Variants in RAB21 observed in about 807,000 individuals in gnomAD.
RAB21 encodes the protein RAB21, member RAS oncogene family.
A neutral mutation model predicts 33.1 loss-of-function variants in RAB21; 13 were observed. That is an observed-to-expected ratio of 0.39 (90% CI 0.26 to 0.62). The LOEUF (loss-of-function observed/expected upper bound fraction) is 0.62. Ranked by LOEUF, RAB21 falls within the 20% of genes least tolerant of loss-of-function variation. The pLI is 0.48. For synonymous variants in RAB21, 91 were observed against 103.7 expected (o/e 0.88, Z 0.74); for missense variants, 234 against 279.1 (o/e 0.84, Z 1.15).
rs1883395449 is a variant in RAB21 at position 71,792,154 on chromosome 12, G to A, written c.*6481G>A. 6.6e-6 allele frequency: 1 copy of A among 152,090 alleles called. No individual in the cohort carries two copies. Among genetic ancestry groups the A allele is most frequent in the East Asian group, 1.9e-4 (1 of 5,194 alleles). The allele number at this position is 152,090 out of a possible 1,614,324, so 9.4% of individuals were successfully genotyped here. On this transcript the variant is annotated 3_prime_UTR_variant, in exon 7 of 7. Transcript: ENST00000261263. ...CTCAAAGTACTAGGATAACAGTCAT[G>A]AGCCACCATGCCCACCCTAGAATCA...
At chr12:71,781,313 C>CA (rs1437529321) in intron 4 of RAB21, among the ~76,000 whole-genome samples, 1 of 151,592 alleles carries the variant, frequency 6.6e-6, no homozygotes, top group Non-Finnish European at 1.5e-5. Context: ...ACTAAAAATA[C>CA]AAAAAATTAG....
In RAB21 at chr12:71,789,674, A is replaced by G. The variant is rs1174222237; in HGVS notation, c.*4001A>G. 6.6e-6 allele frequency: 1 copy of G among 152,166 alleles called. No homozygotes were observed. The highest frequency in any genetic ancestry group is 2.4e-5 in the African/African-American group (1 of 41,460). 9.4% of individuals were successfully genotyped at this position (152,166 alleles called of 1,614,324 possible). A position where few individuals can be genotyped will look rare whatever the true frequency, so the allele number is the denominator to read the frequency against. On this transcript the variant is annotated 3_prime_UTR_variant, in exon 7 of 7. Coordinates refer to ENST00000261263, the MANE Select transcript of RAB21 (RefSeq NM_014999.4). ...TACTCTTCTCTAAATTATAAAATGC[A>G]TTACCTAGGCTTTAATAGTTAAAAG...
At position 71,782,055 on chromosome 12, in the gene RAB21, A is replaced by C. The variant is rs138502131; in HGVS notation, c.416A>C (p.Glu139Ala). The change falls in exon 5 of 7, where the codon GAG (glutamate) becomes GCG (alanine). Residue 139 changes from glutamate (E) to alanine (A), a missense_variant. Coordinates refer to ENST00000261263, the MANE Select transcript of RAB21 (RefSeq NM_014999.4). Reference protein sequence around the residue: ...IVGNKIDLEKERHVSIQEAES... With the variant: ...IVGNKIDLEKARHVSIQEAES... ...GGTAATAAAATAGACTTGGAAAAGGAGAGACATGTTTCCATTCAAGAAGCA... is the reference window on the plus strand; with the variant it reads ...GGTAATAAAATAGACTTGGAAAAGGCGAGACATGTTTCCATTCAAGAAGCA... 3.3e-4 allele frequency: 533 copies of C among 1,606,788 alleles called. 3 individuals are homozygous for C. In the African/African-American group the frequency reaches 6.3e-3, roughly 19 times the overall value.
chr12:71,792,453 A>G lies in RAB21; in HGVS notation c.*6780A>G, dbSNP rs1232550476. The G allele has an allele frequency of 6.6e-6, 1 of 152,220 alleles. No individual in the cohort carries two copies. The highest frequency in any genetic ancestry group is 1.5e-5 in the Non-Finnish European group (1 of 68,046). The allele number at this position is 152,220 out of a possible 1,614,324, so 9.4% of individuals were successfully genotyped here. A position where few individuals can be genotyped will look rare whatever the true frequency, so the allele number is the denominator to read the frequency against. On this transcript the variant is annotated 3_prime_UTR_variant, in exon 7 of 7. Transcript: ENST00000261263. Reference sequence around the variant, plus strand: ...TACTTGGAGAGCATTACAGTGTCCAACAATTTATAGGAGCTTCTCTGCACT... The same window carrying G: ...TACTTGGAGAGCATTACAGTGTCCAGCAATTTATAGGAGCTTCTCTGCACT...
At chr12:71,781,970 G>T in intron 4 of RAB21, 61 bp from the exon 5 acceptor site, 1 of 1,305,464 alleles carries the variant, frequency 7.7e-7, no homozygotes, top group East Asian at 2.5e-5. Flanking sequence ...TTTAGAATTG[G>T]CTTAATTTTG....
chr12:71,769,732 C>A (rs1353127579), intron 1 of RAB21, 68 bp from the exon 2 acceptor site: 12 of 736,428 alleles, frequency 1.6e-5, no homozygotes, highest in Non-Finnish European at 2.3e-5. Flanking sequence ...ATTCATTCAT[C>A]TATAGTTGTT....
chr12:71,779,122 A>G (rs1038345173), intron 4 of RAB21, among the ~76,000 whole-genome samples: 5 of 152,206 alleles, frequency 3.3e-5, no homozygotes, highest in African/African-American at 1.2e-4. Context: ...TTAGCGACAC[A>G]TGCGTACAGT....
intron 3 of RAB21, 139 bp downstream of exon 3, chr12:71,770,838 T>TA (rs527411062): frequency 5.2e-6 from 3 of 579,018 alleles, no homozygotes; most frequent in Non-Finnish European, 8.9e-6. Flanking sequence ...GGTGACCACT[T>TA]ACATTTTATT....
chr12:71,781,554 G>T (rs1483505655), intron 4 of RAB21, among the ~76,000 whole-genome samples: 3 of 151,978 alleles, frequency 2.0e-5, no homozygotes, highest in Non-Finnish European at 4.4e-5. Context: ...ACTTTAACTG[G>T]TTTATATCAT....
intron 6 of RAB21, among the ~76,000 whole-genome samples, chr12:71,784,471 T>C (rs1192309924): frequency 6.6e-6 from 1 of 152,198 alleles, no homozygotes; most frequent in Non-Finnish European, 1.5e-5. Flanking sequence ...TAATTCATTT[T>C]TCGTTGTTTT....
At chr12:71,778,975 A>G (rs1340601450) in intron 4 of RAB21, among the ~76,000 whole-genome samples, 2 of 152,192 alleles carry the variant, frequency 1.3e-5, no homozygotes, top group Non-Finnish European at 2.9e-5. Context: ...TAATTGTCTT[A>G]CAACAATATT....
At position 71,785,663 on chromosome 12, in the gene RAB21, C is replaced by T; in HGVS notation, c.668C>T (p.Ser223Phe). ...QAQTSGGGCC[S>F]SG is the part of the protein sequence containing the mutation. ...CAGACCAGTGGTGGAGGGTGCTGTT[C>T]TTCTGGATAACTGTTCACGCCTAAG... Residue 223 changes from serine (S) to phenylalanine (F), a missense_variant, in exon 7 of 7, where the codon TCT becomes TTT. Physicochemically the swap from Ser to Phe is radical, Grantham distance 155 (BLOSUM62 -2). Coordinates refer to ENST00000261263, the MANE Select transcript of RAB21 (RefSeq NM_014999.4). The T allele has an allele frequency of 6.2e-7, 1 of 1,614,132 alleles. No individual in the cohort carries two copies. The highest frequency in any genetic ancestry group is 8.5e-7 in the Non-Finnish European group (1 of 1,180,020).
In RAB21 at chr12:71,789,252, A is replaced by G. The variant is rs1046759509; in HGVS notation, c.*3579A>G. 2 of 152,118 alleles carry G rather than the reference A, an allele frequency of 1.3e-5. No homozygotes were observed. The allele number at this position is 152,118 out of a possible 1,614,324, so 9.4% of individuals were successfully genotyped here. ...AGTTTCTAATTAAGGCAAACTATGCATTATGCCAAATATTAAGAACATTTT... is the reference window on the plus strand; with the variant it reads ...AGTTTCTAATTAAGGCAAACTATGCGTTATGCCAAATATTAAGAACATTTT... On this transcript the variant is annotated 3_prime_UTR_variant, in exon 7 of 7. Transcript: ENST00000261263.
chr12:71,777,772 T>A (rs1012298984), intron 4 of RAB21, among the ~76,000 whole-genome samples: 1 of 152,196 alleles, frequency 6.6e-6, no homozygotes, highest in Non-Finnish European at 1.5e-5. Context: ...GATCATTTTC[T>A]CTCCTAGGTT....
rs1281187696 is a variant in RAB21, at chr12:71,796,671, C to T, written c.*10998C>T. 2.2e-5 allele frequency: 3 copies of T among 136,522 alleles called. 1 individual carries two copies. The highest frequency in any genetic ancestry group is 8.9e-5 in the African/African-American group (3 of 33,670). The allele number at this position is 136,522 out of a possible 1,614,324, so 8.5% of individuals were successfully genotyped here. On this transcript the variant is annotated 3_prime_UTR_variant, in exon 7 of 7. Coordinates refer to ENST00000261263, the MANE Select transcript of RAB21 (RefSeq NM_014999.4). ...AGCTTTACTGGTCATTTGTCCCCCT[C>T]ATGTTGTACCTAATAAGTGTGTAGT...
intron 4 of RAB21, among the ~76,000 whole-genome samples, chr12:71,777,020 C>G (rs1455010666): frequency 2.6e-5 from 4 of 152,186 alleles, no homozygotes; most frequent in African/African-American, 9.6e-5. Flanking sequence ...TTTTTCTTCA[C>G]ATTTAGCTGA....
rs1463696633 is a variant in RAB21 at position 71,786,668 on chromosome 12, T to G, written c.*995T>G. On this transcript the variant is annotated 3_prime_UTR_variant, in exon 7 of 7. Transcript: ENST00000261263. ...GGTGATTATGCCTAGCTTTTTTGAC[T>G]AATATAAAGATCATAGCTCCCCTTC... 1 of 152,668 alleles carries G rather than the reference T, an allele frequency of 6.6e-6. No homozygotes were observed. Among genetic ancestry groups the G allele is most frequent in the Non-Finnish European group, 1.5e-5 (1 of 68,046 alleles). 9.5% of individuals were successfully genotyped at this position (152,668 alleles called of 1,614,324 possible).
At chr12:71,770,269 A>T (rs1056183903) in intron 2 of RAB21, among the ~76,000 whole-genome samples, 11 of 152,138 alleles carry the variant, frequency 7.2e-5, no homozygotes, top group Admixed American at 7.2e-4. Context: ...GGCAGAGCCT[A>T]TTCCTGGCTT....
At chr12:71,783,684 A>G (rs768289559) in intron 6 of RAB21, among the ~76,000 whole-genome samples, 13 of 152,174 alleles carry the variant, frequency 8.5e-5, no homozygotes, top group Non-Finnish European at 1.9e-4. Flanking sequence ...GCTTCATATG[A>G]TTCCAATGCA....
Sources: gnomAD v4.1 joint callset for allele counts (sites outside exome capture counted in the v4.1 genomes callset) on GRCh38, gnomAD v4.1.1 for gene constraint, MANE v1.5 for transcripts, NCBI Gene and HGNC (gene_info 2026-07-23, HGNC 2026-07-21) for gene names.